Variants in ADAMTSL3 observed in about 807,000 individuals in gnomAD.
ADAMTSL3 encodes the protein ADAMTS like 3, also known as ADAMTS-like protein 3.
A neutral mutation model predicts 201.7 loss-of-function variants in ADAMTSL3; 128 were observed. That is an observed-to-expected ratio of 0.63 (90% CI 0.55 to 0.73). ADAMTSL3 has a LOEUF of 0.73. Ranked by LOEUF, ADAMTSL3 falls within the 30% of genes least tolerant of loss-of-function variation. The pLI is 0.00. For synonymous variants in ADAMTSL3, 738 were observed against 748.4 expected (o/e 0.99, Z 0.23); for missense variants, 1,990 against 2,119.6 (o/e 0.94, Z 1.20).
At chr15:83,939,324 G>A (rs532434303) in intron 17 of ADAMTSL3, among the ~76,000 whole-genome samples, 1 of 152,098 alleles carries the variant, frequency 6.6e-6, no homozygotes, top group Non-Finnish European at 1.5e-5. Flanking sequence ...CACCAAGGAA[G>A]CCATCTGACA....
In ADAMTSL3 at chr15:83,972,395, T is replaced by C. The variant is rs560503785; in HGVS notation, c.2644+1758T>C. Among the ~76,000 whole-genome samples, 116 of 152,276 alleles carry C rather than the reference T, an allele frequency of 7.6e-4. 1 individual carries two copies. Among genetic ancestry groups the C allele is most frequent in the African/African-American group, 2.7e-3 (112 of 41,554 alleles). ...GGCGTACTATCATGCTTCGTTCAAGTTGCCTCTCTATCTGATTTTTATTAA... is the reference window on the plus strand; with the variant it reads ...GGCGTACTATCATGCTTCGTTCAAGCTGCCTCTCTATCTGATTTTTATTAA... On this transcript the variant is annotated intron_variant, in intron 20 of 29. Transcript: ENST00000286744.
chr15:83,665,372 G>A (rs1296632815), intron 2 of ADAMTSL3, among the ~76,000 whole-genome samples: 4 of 152,132 alleles, frequency 2.6e-5, no homozygotes, highest in Non-Finnish European at 4.4e-5. Flanking sequence ...GGAAGGTGAG[G>A]CACTGAATAA....
chr15:83,940,234 T>A (rs2066533249), intron 17 of ADAMTSL3, among the ~76,000 whole-genome samples: 1 of 152,214 alleles, frequency 6.6e-6, no homozygotes, highest in Non-Finnish European at 1.5e-5. Flanking sequence ...TACAGCGTAC[T>A]TTCTAAGTAT....
At chr15:83,834,764 T>C (rs1222887150) in intron 6 of ADAMTSL3, among the ~76,000 whole-genome samples, 1 of 152,202 alleles carries the variant, frequency 6.6e-6, no homozygotes, top group African/African-American at 2.4e-5. Context: ...AAGAATCTTA[T>C]GTTATTAATT....
chr15:83,864,847 T>C (rs1256425651), intron 8 of ADAMTSL3, among the ~76,000 whole-genome samples: 1 of 152,334 alleles, frequency 6.6e-6, no homozygotes, highest in East Asian at 1.9e-4. Flanking sequence ...GATGACATGA[T>C]TGTATATCTA....
chr15:83,726,471 C>A (rs1322109734), intron 3 of ADAMTSL3, among the ~76,000 whole-genome samples: 4 of 152,092 alleles, frequency 2.6e-5, no homozygotes, highest in Non-Finnish European at 5.9e-5. Context: ...TGTCTTGTTG[C>A]TGATCTTAGA....
chr15:84,032,806 C>G (rs12148842), intron 28 of ADAMTSL3, among the ~76,000 whole-genome samples: 16,787 of 152,026 alleles, frequency 0.11, 1,126 homozygotes, highest in Non-Finnish European at 0.15. Context: ...AGTAAATATC[C>G]TGGAACATAT....
At chr15:83,712,007 A>G (rs982362239) in intron 3 of ADAMTSL3, among the ~76,000 whole-genome samples, 1 of 152,166 alleles carries the variant, frequency 6.6e-6, no homozygotes, top group South Asian at 2.1e-4. Flanking sequence ...ACACTGAGAG[A>G]TAAGTTCTGT....
At chr15:83,737,806 A>G (rs1256142877) in intron 3 of ADAMTSL3, among the ~76,000 whole-genome samples, 2 of 152,222 alleles carry the variant, frequency 1.3e-5, no homozygotes, top group African/African-American at 4.8e-5. Flanking sequence ...AATGTTAAGA[A>G]TTAGGAGAAA....
rs1428981967 is a variant in ADAMTSL3 at position 83,982,390 on chromosome 15, G to C, written c.2762G>C (p.Arg921Thr). 6.2e-7 allele frequency: 1 copy of C among 1,614,074 alleles called. No homozygotes were observed. Among genetic ancestry groups the C allele is most frequent in the South Asian group, 1.1e-5 (1 of 91,078 alleles). ...EKRINLTIGS[R>T]AYLLPNTSVI... ...CGTATTAACCTGACCATTGGTAGCA[G>C]AGCCTATTTGCTGCCCAACACATCC... Residue 921 changes from arginine (R) to threonine (T), a missense_variant, in exon 21 of 30, where the codon AGA becomes ACA. By Grantham distance (71) the Arg-to-Thr change is moderately conservative. Coordinates refer to ENST00000286744, the MANE Select transcript of ADAMTSL3 (RefSeq NM_207517.3).
Position 83,994,619 on chromosome 15 carries a change from C to G in ADAMTSL3, c.3973+3405C>G, listed in dbSNP as rs2067650184. Among the ~76,000 whole-genome samples, 5 of 94,696 alleles carry G rather than the reference C, an allele frequency of 5.3e-5. No individual in the cohort carries two copies. The Admixed American group carries it at 8.4e-4, about 16-fold the overall frequency. 62.1% of individuals were successfully genotyped at this position (94,696 alleles called of 152,430 possible). On this transcript the variant is annotated intron_variant, in intron 23 of 29. Coordinates refer to ENST00000286744, the MANE Select transcript of ADAMTSL3 (RefSeq NM_207517.3). Reference sequence around the variant, plus strand: ...TTTTTTTTTTTTTTTTTTTTTGACACAGAACCTCACTCTGTTGCCCAGGTT... The same window carrying G: ...TTTTTTTTTTTTTTTTTTTTTGACAGAGAACCTCACTCTGTTGCCCAGGTT...
At chr15:83,964,002 C>T (rs1291926260) in intron 19 of ADAMTSL3, among the ~76,000 whole-genome samples, 3 of 152,086 alleles carry the variant, frequency 2.0e-5, no homozygotes, top group African/African-American at 7.2e-5. Flanking sequence ...ACCCCGGAAA[C>T]CCCACTTGAA....
At chr15:83,753,691 C>T (rs944771578) in intron 3 of ADAMTSL3, among the ~76,000 whole-genome samples, 2 of 151,518 alleles carry the variant, frequency 1.3e-5, no homozygotes, top group African/African-American at 4.9e-5. Flanking sequence ...GAGAAGCCTA[C>T]TGTAGATTGT....
intron 6 of ADAMTSL3, among the ~76,000 whole-genome samples, chr15:83,827,416 T>C (rs1052500629): frequency 6.6e-6 from 1 of 152,220 alleles, no homozygotes; most frequent in Non-Finnish European, 1.5e-5. Flanking sequence ...TATTAGCCCT[T>C]TGTCAGACGA....
In ADAMTSL3 at chr15:83,727,104, T is replaced by A. The variant is rs142402831; in HGVS notation, c.189+22596T>A. 8.7e-3 allele frequency among the ~76,000 whole-genome samples: 1,317 copies of A among 152,082 alleles called. 19 individuals carry two copies. Among genetic ancestry groups the A allele is most frequent in the African/African-American group, 0.03 (1,249 of 41,526 alleles). ...TGGTCTGTTCAGGTCTTGAATTTCTTCCTGGTTCAATCTTGGTAGGTTGTA... is the reference window on the plus strand; with the variant it reads ...TGGTCTGTTCAGGTCTTGAATTTCTACCTGGTTCAATCTTGGTAGGTTGTA... On this transcript the variant is annotated intron_variant, in intron 3 of 29. Transcript: ENST00000286744.
chr15:83,766,842 C>T (rs753679203), intron 3 of ADAMTSL3, among the ~76,000 whole-genome samples: 6 of 152,164 alleles, frequency 3.9e-5, no homozygotes, highest in South Asian at 2.1e-4. Context: ...TGCCTGTAAT[C>T]GCAGCACTTT....
intron 4 of ADAMTSL3, among the ~76,000 whole-genome samples, chr15:83,789,166 T>G (rs1035241049): frequency 1.3e-5 from 2 of 152,226 alleles, no homozygotes; most frequent in Non-Finnish European, 2.9e-5. Context: ...GATCTTCCAG[T>G]TTTCTCTTTG....
chr15:83,841,156 T>C (rs1320449040), intron 7 of ADAMTSL3, among the ~76,000 whole-genome samples: 1 of 152,224 alleles, frequency 6.6e-6, no homozygotes, highest in East Asian at 1.9e-4. Flanking sequence ...GTAGTTAGCA[T>C]TCTATCCATT....
chr15:83,664,273 CG>C (rs1338714508), intron 2 of ADAMTSL3, among the ~76,000 whole-genome samples: 1 of 142,664 alleles, frequency 7.0e-6, no homozygotes, highest in Non-Finnish European at 1.6e-5. Flanking sequence ...CTTTTCTTTT[CG>C]TTTTTTTTTT....
Sources: gnomAD v4.1 joint callset for allele counts (sites outside exome capture counted in the v4.1 genomes callset) on GRCh38, gnomAD v4.1.1 for gene constraint, MANE v1.5 for transcripts, NCBI Gene and HGNC (gene_info 2026-07-23, HGNC 2026-07-21) for gene names.